The following EDA variants were observed in gnomAD, a reference collection of about 807,000 sequenced individuals.
The protein encoded by EDA is ectodysplasin A.
EDA carries 2 observed loss-of-function variants against 23.6 expected under a neutral mutation model. That is an observed-to-expected ratio of 0.08 (90% CI 0.03 to 0.27). The LOEUF (loss-of-function observed/expected upper bound fraction) is 0.27, where lower values mean the gene tolerates loss of function less well. Among genes scored for constraint, EDA ranks in the 10% least tolerant of loss-of-function variants. EDA has a pLI of 1.00. For missense variants in EDA, 229 were observed against 324.2 expected, an observed-to-expected ratio of 0.71 and a Z score of 2.26; for synonymous variants, 131 against 132.0, an observed-to-expected ratio of 0.99 and a Z score of 0.05.
At chrX:69,823,474 T>A in intron 1 of EDA, among the ~76,000 whole-genome samples, 1 of 86,647 alleles carries the variant, frequency 1.2e-5, no homozygotes, top group Middle Eastern at 5.1e-3. Flanking sequence ...TTCATATGTT[T>A]TTTGGCTGCA....
At chrX:69,751,983 C>A (rs924726433) in intron 1 of EDA, among the ~76,000 whole-genome samples, 5 of 110,691 alleles carry the variant, frequency 4.5e-5, no homozygotes, top group South Asian at 3.9e-4. Flanking sequence ...TGGGCTGCGA[C>A]GATGGGGTTT....
At chrX:69,784,261 A>G (rs1330770011) in intron 1 of EDA, among the ~76,000 whole-genome samples, 2 of 101,810 alleles carry the variant, frequency 2.0e-5, no homozygotes, top group Non-Finnish European at 4.0e-5. Context: ...CTCTGATGGT[A>G]GTTTCTTTTG....
chrX:69,793,151 A>G (rs1216962417), intron 1 of EDA, among the ~76,000 whole-genome samples: 1 of 112,015 alleles, frequency 8.9e-6, no homozygotes, highest in Admixed American at 9.5e-5. Context: ...GTGTAAGGTG[A>G]AATTTTATAG....
At chrX:69,650,469 C>A (rs1056759044) in intron 1 of EDA, among the ~76,000 whole-genome samples, 2 of 111,105 alleles carry the variant, frequency 1.8e-5, no homozygotes, top group Admixed American at 9.6e-5. Context: ...TGGATACCAA[C>A]ATATAGTTAG....
At chrX:69,681,489 A>G (rs1220870251) in intron 1 of EDA, among the ~76,000 whole-genome samples, 2 of 111,212 alleles carry the variant, frequency 1.8e-5, no homozygotes, top group Non-Finnish European at 3.8e-5. Flanking sequence ...CTTTTCACAT[A>G]GTCCCATATT....
chrX:69,687,851 C>T (rs1014403320), intron 1 of EDA, among the ~76,000 whole-genome samples: 6 of 111,305 alleles, frequency 5.4e-5, no homozygotes, highest in African/African-American at 2.0e-4. Flanking sequence ...GGTTAGGGTC[C>T]CTGAGAAATA....
intron 1 of EDA, among the ~76,000 whole-genome samples, chrX:69,732,707 G>A (rs1430730307): frequency 8.9e-6 from 1 of 111,919 alleles, no homozygotes; most frequent in Non-Finnish European, 1.9e-5. Flanking sequence ...CCAGTTTACA[G>A]TCCCACCAAC....
intron 1 of EDA, chrX:69,617,884 T>A (rs1932037046): frequency 4.4e-6 from 1 of 225,976 alleles, no homozygotes; most frequent in Non-Finnish European, 8.0e-6. Context: ...GATAGAGACA[T>A]CATATTCATG....
At chrX:69,713,285 T>C (rs1203584194) in intron 1 of EDA, among the ~76,000 whole-genome samples, 2 of 112,107 alleles carry the variant, frequency 1.8e-5, no homozygotes, top group African/African-American at 6.5e-5. Flanking sequence ...TATGCTCTAG[T>C]TTCCGCTAAT....
At chrX:69,833,274 C>G (rs1302573584) in intron 1 of EDA, among the ~76,000 whole-genome samples, 1 of 111,296 alleles carries the variant, frequency 9.0e-6, no homozygotes, top group Admixed American at 9.6e-5. Context: ...TGTCAAAGGC[C>G]TTTTCTGCAT....
intron 1 of EDA, among the ~76,000 whole-genome samples, chrX:69,877,794 T>C (rs2017670393): frequency 8.9e-6 from 1 of 112,780 alleles, no homozygotes; most frequent in South Asian, 3.6e-4. Context: ...GGATATTTTA[T>C]AGGTATTACA....
chrX:69,753,711 G>A (rs1001553059), intron 1 of EDA, among the ~76,000 whole-genome samples: 1 of 111,600 alleles, frequency 9.0e-6, no homozygotes, highest in African/African-American at 3.3e-5. Context: ...GGGTGTCTAA[G>A]TCTCTTTGTA....
rs952694678 is a variant in EDA at position 69,769,954 on chromosome X, C to T, written c.396+153250C>T. 5.4e-5 allele frequency among the ~76,000 whole-genome samples: 6 copies of T among 111,115 alleles called. No homozygotes were observed. In the East Asian group the frequency reaches 1.7e-3, roughly 31 times the overall value. On this transcript the variant is annotated intron_variant, in intron 1 of 7. Coordinates refer to ENST00000374552, the MANE Select transcript of EDA (RefSeq NM_001399.5). ...GATTGAACTCATAGCAATCACTAAT[C>T]TGTTCTATCTTTATAATTTTCTCAC...
chrX:70,030,921 T>C (rs1366122910), intron 6 of EDA, among the ~76,000 whole-genome samples: 1 of 112,471 alleles, frequency 8.9e-6, no homozygotes, highest in African/African-American at 3.2e-5. Context: ...GCAGACAGGC[T>C]GCATCTCTCA....
At chrX:69,635,881 A>G (rs1217022345) in intron 1 of EDA, among the ~76,000 whole-genome samples, 1 of 109,824 alleles carries the variant, frequency 9.1e-6, no homozygotes, top group Non-Finnish European at 1.9e-5. Flanking sequence ...TACTACCTCA[A>G]AGGCCACCAC....
At chrX:69,910,894 T>C (rs2018256981) in intron 1 of EDA, among the ~76,000 whole-genome samples, 1 of 112,296 alleles carries the variant, frequency 8.9e-6, no homozygotes, top group Non-Finnish European at 1.9e-5. Flanking sequence ...TGTCTGCTGA[T>C]TTCAATGTAT....
Position 69,688,494 on chromosome X carries a change from G to A in EDA, c.396+71790G>A, listed in dbSNP as rs150196910. On this transcript the variant is annotated intron_variant, in intron 1 of 7. Coordinates refer to ENST00000374552, the MANE Select transcript of EDA (RefSeq NM_001399.5). ...TGACTCACTACAACCTCCACCTCCC[G>A]GGCTCAAGCAATTCTTGTGCCTCAG... 6.5e-4 allele frequency among the ~76,000 whole-genome samples: 72 copies of A among 111,064 alleles called. No individual in the cohort carries two copies. The East Asian group carries it at 0.016, about 25-fold the overall frequency.
intron 1 of EDA, among the ~76,000 whole-genome samples, chrX:69,945,559 G>C (rs1401422291): frequency 8.9e-6 from 1 of 112,039 alleles, no homozygotes; most frequent in Non-Finnish European, 1.9e-5. Flanking sequence ...TTGCTTCATG[G>C]AAAGATATCT....
intron 2 of EDA, among the ~76,000 whole-genome samples, chrX:69,964,868 A>G (rs1291155071): frequency 8.9e-6 from 1 of 111,911 alleles, no homozygotes; most frequent in Non-Finnish European, 1.9e-5. Flanking sequence ...AGTCTCAAAG[A>G]TAAGGAACTA....
Sources: gnomAD v4.1 joint callset for allele counts (sites outside exome capture counted in the v4.1 genomes callset) on GRCh38, gnomAD v4.1.1 for gene constraint, MANE v1.5 for transcripts, NCBI Gene and HGNC (gene_info 2026-07-23, HGNC 2026-07-21) for gene names.